NPAS1: variants seen among roughly 807,000 people sequenced by gnomAD.
NPAS1 encodes the protein neuronal PAS domain protein 1.
In NPAS1, 29 loss-of-function variants were observed where a neutral mutation model predicts 49.2. That is an observed-to-expected ratio of 0.59 (90% confidence interval 0.44 to 0.80). The LOEUF is 0.80. Ranked by LOEUF, NPAS1 falls within the 30% of genes least tolerant of loss-of-function variation. The pLI, the probability that NPAS1 is intolerant of heterozygous loss-of-function variation, is 0.00. For missense variants in NPAS1, 825 were observed against 835.5 expected, an observed-to-expected ratio of 0.99 and a Z score of 0.15; for synonymous variants, 408 against 380.4, an observed-to-expected ratio of 1.07 and a Z score of -0.84.
At chr19:47,035,194 G>GAAGAAGAA (rs2122502933) in intron 5 of NPAS1, 1 of 82,154 alleles carries the variant, frequency 1.2e-5, no homozygotes, top group Non-Finnish European at 2.8e-5. Flanking sequence ...AAAATAAAAA[G>GAAGAAGAA]AAGAAGAAGA....
chr19:47,027,624 CTCTGCCCCTGGTCTCCCGTCTG>C (rs1568501609), intron 3 of NPAS1, among the ~76,000 whole-genome samples: 2,339 of 42,932 alleles, frequency 0.054, 31 homozygotes, highest in East Asian at 0.068. Context: ...TCTCCCGTCT[CTCTGCCCCTGGTCTCCCGTCTG>C]TCTGCCCCTG....
Position 47,021,125 on chromosome 19 carries a change from G to A in NPAS1, c.78G>A (p.Trp26Ter). ...GAGGCCGCGGCGCCAGCGTCCCCTG[G>A]GACTTTCTACCCGGGCTGATGGTCA... is the stretch of plus-strand genomic sequence containing the variant. ...CVGGRGASVP[W>*]DFLPGLMVKA... Residue 26 changes from tryptophan to a stop codon, truncating the protein, a stop_gained, in exon 2 of 12, where the codon TGG (tryptophan) becomes TGA (stop). Coordinates refer to ENST00000602212, the MANE Select transcript of NPAS1 (RefSeq NM_002517.4). LOFTEE classifies it high-confidence loss of function. The surrounding 1 kb of genome is among the most constrained non-coding windows in gnomAD (Gnocchi z 5.7). The A allele has an allele frequency of 1.2e-6, 2 of 1,601,042 alleles. No individual in the cohort carries two copies. The highest frequency in any genetic ancestry group is 1.7e-6 in the Non-Finnish European group (2 of 1,174,652).
intron 3 of NPAS1, among the ~76,000 whole-genome samples, chr19:47,031,819 T>G (rs2056907863): frequency 6.6e-6 from 1 of 151,886 alleles, no homozygotes; most frequent in Non-Finnish European, 1.5e-5. Flanking sequence ...GTGAGCCACC[T>G]CGCCCAGCCT....
chr19:47,032,305 T>C lies in NPAS1; in HGVS notation c.386T>C (p.Leu129Pro). The change falls in exon 4 of 12, where the codon CTG (leucine) becomes CCG (proline). Residue 129 changes from leucine to proline, a missense_variant. By Grantham distance (98) the Leu-to-Pro change is moderately conservative (BLOSUM62 -3). Coordinates refer to ENST00000602212, the MANE Select transcript of NPAS1 (RefSeq NM_002517.4). ...CCAGGCCGCCGCGGCCCCGCAGCGC[T>C]GGTCTCCGAAGTCTTCGAGCAGCAC... ...LAPGRRGPAA[L>P]VSEVFEQHLG... is the part of the protein sequence containing the mutation. The C allele has an allele frequency of 6.2e-7, 1 of 1,614,010 alleles. No homozygotes were observed. The highest frequency in any genetic ancestry group is 8.5e-7 in the Non-Finnish European group (1 of 1,180,000).
chr19:47,036,033 C>A lies in NPAS1; in HGVS notation c.592C>A (p.Leu198Met). 6.2e-7 allele frequency: 1 copy of A among 1,605,408 alleles called. No individual in the cohort carries two copies. The highest frequency in any genetic ancestry group is 1.1e-5 in the South Asian group (1 of 89,842). Residue 198 changes from leucine (L) to methionine (M), a missense_variant, in exon 6 of 12, where the codon CTG becomes ATG. Coordinates refer to ENST00000602212, the MANE Select transcript of NPAS1 (RefSeq NM_002517.4). ...PGDHSEVLEQ[L>M]GLRTPTPGPP... ...GGACCACTCAGAGGTGCTGGAGCAACTGGGGCTGCGGACGCCGACGCCCGG... is the reference window on the plus strand; with the variant it reads ...GGACCACTCAGAGGTGCTGGAGCAAATGGGGCTGCGGACGCCGACGCCCGG...
chr19:47,038,515 C>CA (rs397859991), intron 6 of NPAS1, among the ~76,000 whole-genome samples: 1,272 of 60,002 alleles, frequency 0.021, 11 homozygotes, highest in East Asian at 0.034. Flanking sequence ...GACTCCAGCT[C>CA]AAAAAAAAAA....
intron 5 of NPAS1, 152 bp from the exon 6 acceptor site, chr19:47,035,812 A>G (rs1235116330): frequency 2.7e-6 from 2 of 727,334 alleles, no homozygotes; most frequent in African/African-American, 3.6e-5. Context: ...TTGAAAGGTA[A>G]TTGTTTTTTG....
chr19:47,043,356 G>A (rs1205379085), intron 11 of NPAS1, among the ~76,000 whole-genome samples: 2 of 151,128 alleles, frequency 1.3e-5, no homozygotes, highest in East Asian at 1.9e-4. Flanking sequence ...TTGGGAGGCC[G>A]AGGCAGGCAG....
At chr19:47,040,380 C>T in intron 8 of NPAS1, 64 bp from the exon 9 acceptor site, 1 of 1,152,866 alleles carries the variant, frequency 8.7e-7, no homozygotes, top group Non-Finnish European at 1.3e-6. Context: ...ACTCTGGAGC[C>T]AACTCTGCCT....
intron 3 of NPAS1, among the ~76,000 whole-genome samples, chr19:47,030,252 G>A (rs1311734712): frequency 6.6e-6 from 1 of 152,124 alleles, no homozygotes; most frequent in Non-Finnish European, 1.5e-5. Flanking sequence ...TCAAACTCCT[G>A]ACCTTGTGAT....
chr19:47,025,848 T>C (rs1437378380), intron 3 of NPAS1, among the ~76,000 whole-genome samples: 1 of 152,246 alleles, frequency 6.6e-6, no homozygotes, highest in Non-Finnish European at 1.5e-5. Flanking sequence ...GTGTTGGGAT[T>C]ACAGGTATGA....
At chr19:47,038,976 A>G in intron 6 of NPAS1, 60 bp from the exon 7 acceptor site, 3 of 1,448,240 alleles carry the variant, frequency 2.1e-6, no homozygotes, top group Admixed American at 1.7e-5. Flanking sequence ...TGCAAGGGTC[A>G]GGGTGGCCTG....
chr19:47,040,269 C>T (rs957278417), intron 8 of NPAS1, among the ~76,000 whole-genome samples, 175 bp from the exon 9 acceptor site: 1 of 152,230 alleles, frequency 6.6e-6, no homozygotes, highest in East Asian at 1.9e-4. Context: ...GTGATCCACA[C>T]GCCTCAGCCT....
rs372807374 is a variant in NPAS1, at chr19:47,036,471, C to T, written c.688+342C>T. Among the ~76,000 whole-genome samples, 24 of 152,314 alleles carry T rather than the reference C, an allele frequency of 1.6e-4. No homozygotes were observed. The East Asian group carries it at 4.1e-3, about 26-fold the overall frequency. On this transcript the variant is annotated intron_variant, in intron 6 of 11. Transcript: ENST00000602212. ...ATAATTACGTTAGGGCCGGGCGCGG[C>T]GGCTCGCGCCTGTAACCCCGGCACT...
chr19:47,033,669 G>T (rs954989386), intron 5 of NPAS1, among the ~76,000 whole-genome samples: 3 of 152,026 alleles, frequency 2.0e-5, no homozygotes, highest in Admixed American at 6.6e-5. Context: ...AATTTTAAAG[G>T]TTTAGAGGCC....
Position 47,021,901 on chromosome 19 carries a change from G to A in NPAS1, c.358+54G>A. 5 of 1,212,982 alleles carry A rather than the reference G, an allele frequency of 4.1e-6. No homozygotes were observed. Among genetic ancestry groups the A allele is most frequent in the South Asian group, 1.8e-5 (1 of 56,634 alleles). The allele number at this position is 1,212,982 out of a possible 1,614,324, so 75.1% of individuals were successfully genotyped here. ...CCGGGGCCCTCCAGGCGGAGTCACTGCAGCCCAGATCCGGGCTGCGGGCCT... is the reference window on the plus strand; with the variant it reads ...CCGGGGCCCTCCAGGCGGAGTCACTACAGCCCAGATCCGGGCTGCGGGCCT... On this transcript the variant is annotated intron_variant, in intron 3 of 11. Transcript: ENST00000602212. This position sits in a 1 kb window ranked among gnomAD's most constrained non-coding sequence, Gnocchi z 5.7.
chr19:47,027,146 C>A (rs1416994704), intron 3 of NPAS1, among the ~76,000 whole-genome samples: 1 of 152,180 alleles, frequency 6.6e-6, no homozygotes, highest in Non-Finnish European at 1.5e-5. Context: ...AGGCCTGCGG[C>A]GCTTTGACGA....
rs548441251 is a variant in NPAS1 at position 47,045,419 on chromosome 19, C to T, written c.1541C>T (p.Ala514Val). ...KQDPVRPWGLAPPGDPPPTLL... is the reference protein window; with the variant it reads ...KQDPVRPWGLVPPGDPPPTLL... ...GATCCGGTGCGGCCATGGGGCCTGG[C>T]GCCTCCCGGGGACCCCCCGCCCACC... Residue 514 changes from alanine to valine, a missense_variant, in exon 12 of 12, where the codon GCG becomes GTG. Transcript: ENST00000602212. 30 of 1,608,590 alleles carry T rather than the reference C, an allele frequency of 1.9e-5. No homozygotes were observed. Among genetic ancestry groups the T allele is most frequent in the Middle Eastern group, 3.4e-4 (2 of 5,954 alleles).
Position 47,045,182 on chromosome 19 carries a change from C to T in NPAS1, c.1313-9C>T. ...ACACACACAGGCCCTCAGCATCTTC[C>T]TCTTCCAGAGCCGGAGCCTCCGACG... On this transcript the variant is annotated splice_polypyrimidine_tract_variant and intron_variant, in intron 11 of 11. Transcript: ENST00000602212. 1 of 1,612,166 alleles carries T rather than the reference C, an allele frequency of 6.2e-7. No homozygotes were observed. Among genetic ancestry groups the T allele is most frequent in the African/African-American group, 1.3e-5 (1 of 74,998 alleles).
Sources: gnomAD v4.1 joint callset for allele counts (sites outside exome capture counted in the v4.1 genomes callset) on GRCh38, gnomAD v4.1.1 for gene constraint, Gnocchi (gnomAD v3.1) non-coding constraint, MANE v1.5 for transcripts, NCBI Gene and HGNC (gene_info 2026-07-23, HGNC 2026-07-21) for gene names.